The following NCAPD2 variants were observed in gnomAD, a reference collection of about 807,000 sequenced individuals.
The protein encoded by NCAPD2 is non-SMC condensin I complex subunit D2, also known as condensin complex subunit 1.
In NCAPD2, 100 loss-of-function variants were observed where a neutral mutation model predicts 164.5. The observed-to-expected ratio is 0.61, with a 90% CI of 0.52 to 0.72. The LOEUF (loss-of-function observed/expected upper bound fraction) is 0.72. Ranked by LOEUF, NCAPD2 falls within the 30% of genes least tolerant of loss-of-function variation. The pLI, the probability that NCAPD2 is intolerant of heterozygous loss-of-function variation, is 0.00. For synonymous variants in NCAPD2, 585 were observed against 642.6 expected, an observed-to-expected ratio of 0.91 and a Z score of 1.36; for missense variants, 1,560 against 1,749.2, an observed-to-expected ratio of 0.89 and a Z score of 1.93.
intron 13 of NCAPD2, among the ~76,000 whole-genome samples, chr12:6,518,512 T>TTTTTTTTTTG (rs1565544154): frequency 1.9e-5 from 2 of 103,516 alleles, no homozygotes; most frequent in South Asian, 3.6e-4. Context: ...AAGTTTTTTT[T>TTTTTTTTTTG]TTTTTTTTTT....
chr12:6,526,772 T>TA, intron 21 of NCAPD2, 119 bp from the exon 22 acceptor site: 1 of 1,425,194 alleles, frequency 7.0e-7, no homozygotes. Context: ...CCCCAACTCT[T>TA]ACTACTTCAC....
intron 29 of NCAPD2, 91 bp downstream of exon 29, chr12:6,530,049 C>T (rs1946357319): frequency 2.9e-6 from 4 of 1,387,024 alleles, no homozygotes. Context: ...CTTGCAGTCA[C>T]CTTCCCGTCC....
chr12:6,494,881 A>G (rs1945961228), intron 1 of NCAPD2, among the ~76,000 whole-genome samples, 195 bp from the exon 2 acceptor site: 1 of 152,184 alleles, frequency 6.6e-6, no homozygotes, highest in Non-Finnish European at 1.5e-5. Context: ...CCCGTAAGAT[A>G]ATGTTACTAG....
intron 2 of NCAPD2, among the ~76,000 whole-genome samples, chr12:6,503,483 G>A (rs1329330662): frequency 1.3e-5 from 2 of 152,000 alleles, no homozygotes; most frequent in African/African-American, 2.4e-5. Context: ...TGAATATATC[G>A]GTGAGGGGTT....
Position 6,528,152 on chromosome 12 carries a change from T to C in NCAPD2, c.3144-21T>C, listed in dbSNP as rs373133166. ...GATGGGGATGAAATGGCTTCCCTAA[T>C]GATCCTCTTCTTGCTCTTAGTGCCA... is the stretch of plus-strand genomic sequence containing the variant. On this transcript the variant is annotated intron_variant, in intron 24 of 31. Transcript: ENST00000315579. The surrounding 1 kb of genome is among the most constrained non-coding windows in gnomAD (Gnocchi z 5.1). The C allele has an allele frequency of 3.1e-6, 5 of 1,614,240 alleles. No individual in the cohort carries two copies. The highest frequency in any genetic ancestry group is 1.1e-5 in the South Asian group (1 of 91,090).
intron 10 of NCAPD2, 76 bp from the exon 11 acceptor site, chr12:6,517,289 G>A: frequency 6.4e-7 from 1 of 1,568,868 alleles, no homozygotes; most frequent in Non-Finnish European, 8.6e-7. Flanking sequence ...TCAGTTTAGA[G>A]TATACTTAAA....
At chr12:6,523,072 TA>T in intron 16 of NCAPD2, 70 bp downstream of exon 16, 1 of 1,567,476 alleles carries the variant, frequency 6.4e-7, no homozygotes, top group Non-Finnish European at 8.7e-7. Context: ...CCTTGTCTCC[TA>T]AAGGAAGAGG....
chr12:6,509,089 T>TTA (rs1946122736), intron 2 of NCAPD2, among the ~76,000 whole-genome samples: 2 of 150,944 alleles, frequency 1.3e-5, no homozygotes, highest in Non-Finnish European at 3.0e-5. Flanking sequence ...TTTTTTTTTT[T>TTA]AAAAGATCCT....
chr12:6,495,168 A>G lies in NCAPD2; in HGVS notation c.70A>G (p.Asn24Asp). 1 of 1,614,106 alleles carries G rather than the reference A, an allele frequency of 6.2e-7. No homozygotes were observed. Among genetic ancestry groups the G allele is most frequent in the Non-Finnish European group, 8.5e-7 (1 of 1,180,008 alleles). ...PEELLKSGGV[N>D]QYVVQEVLSI... The stretch of plus-strand genomic sequence containing the variant: ...GGAGTTGTTGAAAAGTGGAGGGGTG[A>G]ATCAGTATGTTGTGCAAGAGGTACT... The change falls in exon 2 of 32, where the codon AAT becomes GAT. Residue 24 changes from asparagine (N) to aspartate (D), a missense_variant. Transcript: ENST00000315579.
In NCAPD2 at chr12:6,528,683, C is replaced by A; in HGVS notation, c.3304C>A (p.Arg1102=). ...GACCCGCAATTCCATTCCTAGTCTCCGGGACCCTGCTCAGCAAGTGCGGAA... is the reference window on the plus strand; with the variant it reads ...GACCCGCAATTCCATTCCTAGTCTCAGGGACCCTGCTCAGCAAGTGCGGAA... The part of the protein sequence containing the change: ...PWTPHLYARL[R]DPAQQVRKTA... Residue 1102 remains arginine (R), a synonymous_variant, in exon 26 of 32, where the codon CGG becomes AGG. Transcript: ENST00000315579. The surrounding 1 kb of genome is among the most constrained non-coding windows in gnomAD (Gnocchi z 5.1). The A allele has an allele frequency of 6.2e-7, 1 of 1,610,940 alleles. No individual in the cohort carries two copies. Among genetic ancestry groups the A allele is most frequent in the Non-Finnish European group, 8.5e-7 (1 of 1,177,496 alleles).
chr12:6,530,656 T>G (rs1479516822), intron 29 of NCAPD2, 35 bp from the exon 30 acceptor site: 1 of 1,612,108 alleles, frequency 6.2e-7, no homozygotes, highest in Admixed American at 1.7e-5. Context: ...GTAACTGTTT[T>G]CAGGCCTGCT....
intron 16 of NCAPD2, 29 bp downstream of exon 16, chr12:6,523,031 CT>C: frequency 6.2e-7 from 1 of 1,611,510 alleles, no homozygotes; most frequent in Non-Finnish European, 8.5e-7. Flanking sequence ...CCTTTGCTGA[CT>C]TTTCCAAGGT....
Position 6,517,425 on chromosome 12 carries a change from A to T in NCAPD2, c.1246A>T (p.Lys416Ter), listed in dbSNP as rs375941071. 8.1e-6 allele frequency: 13 copies of T among 1,614,138 alleles called. No individual in the cohort carries two copies. Among genetic ancestry groups the T allele is most frequent in the Admixed American group, 5.0e-5 (3 of 60,008 alleles). Reference sequence around the variant, plus strand: ...TTTAGCTGTGGGACGTCTGGCAGACAAGTCAGTGCTAGTATGTAAAAATGC... The same window carrying T: ...TTTAGCTGTGGGACGTCTGGCAGACTAGTCAGTGCTAGTATGTAAAAATGC... Reference protein sequence around the residue: ...VALAVGRLADKSVLVCKNAIQ... With the variant: ...VALAVGRLAD Residue 416 changes from lysine to a stop codon, truncating the protein, a stop_gained, in exon 11 of 32, where the codon AAG (lysine) becomes TAG (stop). Coordinates refer to ENST00000315579, the MANE Select transcript of NCAPD2 (RefSeq NM_014865.4). LOFTEE classifies it high-confidence loss of function.
rs548167159 is a variant in NCAPD2 at position 6,528,611 on chromosome 12, C to T, written c.3300-68C>T. The stretch of plus-strand genomic sequence containing the variant: ...TGGGATAATTGATTCCTGCTGAGGG[C>T]CTTTTCTACCAGTGTTAGGGTGTAG... On this transcript the variant is annotated intron_variant, in intron 25 of 31. Transcript: ENST00000315579. This position sits in a 1 kb window ranked among gnomAD's most constrained non-coding sequence, Gnocchi z 5.1. The T allele has an allele frequency of 1.3e-6, 2 of 1,506,426 alleles. No individual in the cohort carries two copies. The highest frequency in any genetic ancestry group is 1.2e-5 in the South Asian group (1 of 84,072). The allele number at this position is 1,506,426 out of a possible 1,614,324, so 93.3% of individuals were successfully genotyped here. A position where few individuals can be genotyped will look rare whatever the true frequency, so the allele number is the denominator to read the frequency against.
chr12:6,523,325 C>T lies in NCAPD2; in HGVS notation c.2193C>T (p.Thr731=), dbSNP rs1370547089. The T allele has an allele frequency of 3.1e-6, 5 of 1,613,372 alleles. No homozygotes were observed. The highest frequency in any genetic ancestry group is 4.2e-6 in the Non-Finnish European group (5 of 1,179,600). The change falls in exon 17 of 32, where the codon ACC becomes ACT. Residue 731 remains threonine (T), a synonymous_variant. Transcript: ENST00000315579. Reference sequence around the variant, plus strand: ...TGCTAGTGGATGCCTCGGTTGGGACCATTCAGTGTCTTGAGGAAATTGTAA... The same window carrying T: ...TGCTAGTGGATGCCTCGGTTGGGACTATTCAGTGTCTTGAGGAAATTGTAA... ...SLLLVDASVG[T]IQCLEEILCE... is the part of the protein sequence containing the mutation.
Position 6,528,029 on chromosome 12 carries a change from CTA to C in NCAPD2, c.3084_3085del (p.Tyr1028Ter), listed in dbSNP as rs1232298598. The C allele has an allele frequency of 6.2e-7, 1 of 1,614,104 alleles. No individual in the cohort carries two copies. Among genetic ancestry groups the C allele is most frequent in the Non-Finnish European group, 8.5e-7 (1 of 1,180,054 alleles). On this transcript the variant is annotated frameshift_variant, in exon 24 of 32. Coordinates refer to ENST00000315579, the MANE Select transcript of NCAPD2 (RefSeq NM_014865.4). LOFTEE classifies it high-confidence loss of function. The surrounding 1 kb of genome is among the most constrained non-coding windows in gnomAD (Gnocchi z 5.1). ...LLKVCNNPGL[Y>X]SNPDLSAAAS... ...TTAAAGTCTGTAACAACCCAGGCCT[CTA>C]TAGCAACCCAGACCTCTCTGCAGCT...
At chr12:6,527,312 G>A (rs1946326257) in intron 22 of NCAPD2, among the ~76,000 whole-genome samples, 2 of 152,236 alleles carry the variant, frequency 1.3e-5, no homozygotes, top group African/African-American at 4.8e-5. Flanking sequence ...CAGAGGCTTT[G>A]TGTCTGAGGC....
rs749960245 is a variant in NCAPD2, at chr12:6,522,900, G to GC, written c.2029dup (p.Arg677ProfsTer9). ...GTACCCCAGGCCCTGTTTGGGGTGC[G>GC]CCGTATGCTGCCTCTCATCTGGTCT... On this transcript the variant is annotated frameshift_variant, in exon 16 of 32. Coordinates refer to ENST00000315579, the MANE Select transcript of NCAPD2 (RefSeq NM_014865.4). LOFTEE classifies it high-confidence loss of function. 21 of 1,614,130 alleles carry GC rather than the reference G, an allele frequency of 1.3e-5. No homozygotes were observed. Among genetic ancestry groups the GC allele is most frequent in the East Asian group, 2.2e-5 (1 of 44,872 alleles).
intron 2 of NCAPD2, among the ~76,000 whole-genome samples, chr12:6,496,741 T>G (rs2137033929): frequency 6.6e-6 from 1 of 152,180 alleles, no homozygotes; most frequent in Middle Eastern, 3.4e-3. Flanking sequence ...CACTGCAGCC[T>G]CAATCTACCA....
Sources: allele counts gnomAD v4.1 joint callset (sites outside exome capture counted in the v4.1 genomes callset), GRCh38; gene constraint gnomAD v4.1.1; non-coding constraint Gnocchi (gnomAD v3.1); transcripts MANE v1.5; gene names NCBI Gene and HGNC (gene_info 2026-07-23, HGNC 2026-07-21).